Variants in TEC observed in about 807,000 individuals in gnomAD.
TEC encodes tec protein tyrosine kinase, also known as tyrosine-protein kinase Tec.
In TEC, 72 loss-of-function variants were observed where a neutral mutation model predicts 93.0. The observed-to-expected ratio is 0.77, with a 90% CI of 0.64 to 0.94. The LOEUF (loss-of-function observed/expected upper bound fraction) is 0.94. TEC is among the 40% of genes least tolerant of loss of function. The pLI is 0.00. For synonymous variants in TEC, 249 were observed against 247.7 expected (o/e 1.01, Z -0.05); for missense variants, 630 against 757.9 (o/e 0.83, Z 1.98).
At chr4:48,141,979 TA>T (rs1719692359) in intron 14 of TEC, among the ~76,000 whole-genome samples, 1 of 152,222 alleles carries the variant, frequency 6.6e-6, no homozygotes, top group Non-Finnish European at 1.5e-5. Flanking sequence ...CAAGGGCTAA[TA>T]GAAGGGTCAA....
At chr4:48,197,080 T>C (rs17655303) in intron 2 of TEC, among the ~76,000 whole-genome samples, 12,374 of 152,264 alleles carry the variant, frequency 0.081, 705 homozygotes, top group East Asian at 0.32. Context: ...CAAAGACATA[T>C]TTTGCCGGTT....
chr4:48,226,120 G>T (rs542982292), intron 2 of TEC, among the ~76,000 whole-genome samples: 2 of 152,238 alleles, frequency 1.3e-5, no homozygotes, highest in East Asian at 1.9e-4. Context: ...ACCAAAAGGG[G>T]TACTTTAAAC....
chr4:48,227,968 T>C (rs1204011956), intron 2 of TEC, among the ~76,000 whole-genome samples: 1 of 152,158 alleles, frequency 6.6e-6, no homozygotes, highest in African/African-American at 2.4e-5. Flanking sequence ...AGTGAGCTGC[T>C]TTCTCCCTGC....
chr4:48,229,817 T>C (rs1478740868), intron 1 of TEC, among the ~76,000 whole-genome samples: 1 of 151,884 alleles, frequency 6.6e-6, no homozygotes, highest in Non-Finnish European at 1.5e-5. Flanking sequence ...CTCACGCCTG[T>C]AATCCCAGCA....
At chr4:48,163,221 T>C (rs1720746843) in intron 8 of TEC, among the ~76,000 whole-genome samples, 1 of 152,116 alleles carries the variant, frequency 6.6e-6, no homozygotes, top group African/African-American at 2.4e-5. Flanking sequence ...GCTAGGAAAA[T>C]GTTTTCAAAG....
chr4:48,176,011 G>T (rs1454614557), intron 3 of TEC, 71 bp downstream of exon 3: 1 of 1,185,050 alleles, frequency 8.4e-7, no homozygotes, highest in Non-Finnish European at 1.2e-6. Context: ...GCAAGGACAG[G>T]AAACTGTAAT....
chr4:48,176,616 G>A (rs1721337728), intron 2 of TEC, among the ~76,000 whole-genome samples: 1 of 152,180 alleles, frequency 6.6e-6, no homozygotes, highest in African/African-American at 2.4e-5. Context: ...CAGCTACTCA[G>A]GAGGCTGAGG....
chr4:48,227,797 AGCAAAT>A (rs1164253267), intron 2 of TEC, among the ~76,000 whole-genome samples: 1 of 152,182 alleles, frequency 6.6e-6, no homozygotes, highest in African/African-American at 2.4e-5. Context: ...TGGCAGTACT[AGCAAAT>A]GCCACACCCA....
In TEC at chr4:48,211,417, A is replaced by T. The variant is rs368070612; in HGVS notation, c.138+17060T>A. Among the ~76,000 whole-genome samples the T allele has an allele frequency of 3.3e-4, 50 of 150,400 alleles. No individual in the cohort carries two copies. The East Asian group carries it at 3.5e-3, about 10-fold the overall frequency. On this transcript the variant is annotated intron_variant, in intron 2 of 17. Transcript: ENST00000381501. ...AAAATCACTCTGAGGTTCAAAAAAA[A>T]TTTTTTTAATTATATCTGATCATTA... is the stretch of plus-strand genomic sequence containing the variant.
chr4:48,238,140 G>A (rs1288970371), intron 1 of TEC, among the ~76,000 whole-genome samples: 3 of 152,158 alleles, frequency 2.0e-5, no homozygotes, highest in African/African-American at 7.2e-5. Flanking sequence ...AATCAAAATA[G>A]AGTACATTCT....
In TEC at chr4:48,166,129, A is replaced by G. The variant is rs183528272; in HGVS notation, c.671+1649T>C. On this transcript the variant is annotated intron_variant, in intron 7 of 17. Transcript: ENST00000381501. ...TTTCACTGAGGCTGAAGGTGTGGCC[A>G]TGATGCGGGGTAGCTTTTGCAAGCC... Among the ~76,000 whole-genome samples, 17 of 152,346 alleles carry G rather than the reference A, an allele frequency of 1.1e-4. No homozygotes were observed. The East Asian group carries it at 3.3e-3, about 29-fold the overall frequency.
intron 1 of TEC, among the ~76,000 whole-genome samples, chr4:48,234,756 G>A (rs564388152): frequency 1.2e-4 from 18 of 152,228 alleles, no homozygotes; most frequent in Non-Finnish European, 1.6e-4. Flanking sequence ...GTATGCTCCC[G>A]TGTGGGTGGG....
At chr4:48,204,005 A>G (rs1490866657) in intron 2 of TEC, among the ~76,000 whole-genome samples, 1 of 152,196 alleles carries the variant, frequency 6.6e-6, no homozygotes, top group Non-Finnish European at 1.5e-5. Context: ...TGATAAGCAG[A>G]CAGGATCTCC....
chr4:48,265,515 ATTTTTT>A (rs71189199), intron 1 of TEC, among the ~76,000 whole-genome samples: 1 of 129,184 alleles, frequency 7.7e-6, no homozygotes. Flanking sequence ...ATATATATAT[ATTTTTT>A]TTTTTTTTTG....
chr4:48,234,460 T>C (rs1002243756), intron 1 of TEC, among the ~76,000 whole-genome samples: 3 of 152,024 alleles, frequency 2.0e-5, no homozygotes, highest in Admixed American at 1.3e-4. Flanking sequence ...TGGCCAAGAG[T>C]ACAACCAGTC....
At chr4:48,184,433 G>A (rs561421782) in intron 2 of TEC, among the ~76,000 whole-genome samples, 1 of 152,316 alleles carries the variant, frequency 6.6e-6, no homozygotes, top group South Asian at 2.1e-4. Context: ...CAAATAAAGT[G>A]AAATTAACAT....
rs1004460208 is a variant in TEC at position 48,156,909 on chromosome 4, C to G, written c.738-175G>C. On this transcript the variant is annotated intron_variant, in intron 8 of 17. Coordinates refer to ENST00000381501, the MANE Select transcript of TEC (RefSeq NM_003215.3). ...TAATTTTGATGTATATACTTCCAGA[C>G]TTTTTCTACCCATATTTCTATGAAA... is the stretch of plus-strand genomic sequence containing the variant. Among the ~76,000 whole-genome samples, 3 of 152,124 alleles carry G rather than the reference C, an allele frequency of 2.0e-5. No homozygotes were observed. The East Asian group carries it at 5.8e-4, about 29-fold the overall frequency.
chr4:48,168,488 A>G (rs1720966474), intron 6 of TEC, 98 bp downstream of exon 6: 5 of 1,291,348 alleles, frequency 3.9e-6, no homozygotes, highest in Non-Finnish European at 5.5e-6. Context: ...ACATCAATGA[A>G]TAAACCGCAT....
At chr4:48,209,321 T>C (rs1157417784) in intron 2 of TEC, among the ~76,000 whole-genome samples, 1 of 152,166 alleles carries the variant, frequency 6.6e-6, no homozygotes, top group African/African-American at 2.4e-5. Context: ...TAATGGTTGG[T>C]TACAAAATAA....
Sources: allele counts gnomAD v4.1 joint callset (sites outside exome capture counted in the v4.1 genomes callset), GRCh38; gene constraint gnomAD v4.1.1; transcripts MANE v1.5; gene names NCBI Gene and HGNC (gene_info 2026-07-23, HGNC 2026-07-21).